The following ARVCF variants were observed in gnomAD, a reference collection of about 807,000 sequenced individuals.
The protein encoded by ARVCF is ARVCF delta catenin family member.
In ARVCF, 66 loss-of-function variants were observed where a neutral mutation model predicts 90.9. That is an observed-to-expected ratio of 0.73 (90% confidence interval 0.60 to 0.89). The LOEUF is 0.89. Among genes scored for constraint, ARVCF ranks in the 40% least tolerant of loss-of-function variants. The probability of loss-of-function intolerance (pLI) is 0.00; values close to 1 mark genes in which losing one functional copy is unlikely to be tolerated. For missense variants in ARVCF, 1,469 were observed against 1,382.3 expected (o/e 1.06, Z -1.00); for synonymous variants, 653 against 603.4 (o/e 1.08, Z -1.21).
chr22:19,974,099 C>G lies in ARVCF; in HGVS notation c.2088+13G>C. 1 of 1,601,726 alleles carries G rather than the reference C, an allele frequency of 6.2e-7. No homozygotes were observed. The highest frequency in any genetic ancestry group is 8.5e-7 in the Non-Finnish European group (1 of 1,173,584). ...CTCAGGACTTGCCCACCCTGCCCGA[C>G]CTGGTCCCTCACCATCCAGTTGCCG... On this transcript the variant is annotated intron_variant, in intron 12 of 19. Transcript: ENST00000263207.
intron 3 of ARVCF, among the ~76,000 whole-genome samples, chr22:19,987,515 GA>G (rs1943861642): frequency 6.6e-6 from 1 of 151,942 alleles, no homozygotes; most frequent in African/African-American, 2.4e-5. Flanking sequence ...CTCGGTTTAT[GA>G]CCACACTTCA....
At chr22:19,968,882 C>T (rs889790482), downstream of ARVCF, 3 of 702,900 alleles carry the variant, frequency 4.3e-6, no homozygotes, top group Admixed American at 6.5e-5. Flanking sequence ...GACATGCTAA[C>T]CTCTCTGAAC....
Position 19,980,199 on chromosome 22 carries a change from C to G in ARVCF, c.940G>C (p.Glu314Gln), listed in dbSNP as rs1435518574. The G allele has an allele frequency of 1.9e-6, 3 of 1,550,094 alleles. No homozygotes were observed. The highest frequency in any genetic ancestry group is 2.6e-6 in the Non-Finnish European group (3 of 1,149,422). ...TADDGGELADERPAFPMVTAP... is the reference protein window; with the variant it reads ...TADDGGELADQRPAFPMVTAP... ...GTCACCATTGGGAACGCAGGCCGCT[C>G]GTCCGCCAGCTCGCCGCCATCATCT... The change falls in exon 6 of 20, where the codon GAG (glutamate) becomes CAG (glutamine). Residue 314 changes from glutamate to glutamine, a missense_variant. By Grantham distance (29) the Glu-to-Gln change is conservative. Transcript: ENST00000263207.
intron 2 of ARVCF, among the ~76,000 whole-genome samples, chr22:20,003,478 A>G (rs920798586): frequency 3.3e-5 from 5 of 152,214 alleles, no homozygotes; most frequent in African/African-American, 4.8e-5. Context: ...AAACAAACAA[A>G]AAAACACTAG....
downstream of ARVCF, chr22:19,969,026 A>G (rs1380612313): frequency 6.5e-6 from 2 of 305,786 alleles, no homozygotes; most frequent in Non-Finnish European, 6.3e-6. Context: ...ATATTTAGAT[A>G]TAACTCGACT....
At chr22:19,973,452 CCT>C (rs1601574561) in intron 13 of ARVCF, 135 bp from the exon 14 acceptor site, 7 of 1,335,190 alleles carry the variant, frequency 5.2e-6, no homozygotes, top group Non-Finnish European at 7.0e-6. Flanking sequence ...CACAGGAGCC[CCT>C]GTGAGCAGGG....
intron 19 of ARVCF, 99 bp downstream of exon 19, chr22:19,971,117 G>A (rs952602418): frequency 1.6e-5 from 24 of 1,536,768 alleles, no homozygotes; most frequent in African/African-American, 8.3e-5. Flanking sequence ...TGCGGGGAAC[G>A]TGCGGGAAGA....
At chr22:20,012,339 C>T (rs1052061644) in intron 1 of ARVCF, among the ~76,000 whole-genome samples, 1 of 152,230 alleles carries the variant, frequency 6.6e-6, no homozygotes, top group Non-Finnish European at 1.5e-5. Context: ...CCTAAGGGTG[C>T]ACTAGGCACA....
intron 18 of ARVCF, 129 bp from the exon 19 acceptor site, chr22:19,971,464 C>T (rs766862715): frequency 1.5e-5 from 18 of 1,190,722 alleles, no homozygotes; most frequent in Non-Finnish European, 2.1e-5. Flanking sequence ...ACAGGTAGCA[C>T]CAAGGGCGCA....
intron 2 of ARVCF, among the ~76,000 whole-genome samples, chr22:19,995,337 G>A (rs1944205383): frequency 6.6e-6 from 1 of 151,812 alleles, no homozygotes; most frequent in Non-Finnish European, 1.5e-5. Context: ...AGGCTGGGTG[G>A]ATGGAGGAGT....
rs576630602 is a variant in ARVCF at position 20,007,707 on chromosome 22, C to T, written c.-19+2748G>A. On this transcript the variant is annotated intron_variant, in intron 2 of 19. Transcript: ENST00000263207. ...GGTTCCGCCTCCTTCAGCGCTCTCTCACGTGTGCTCCTGCCCTTCTGCCAC... is the reference window on the plus strand; with the variant it reads ...GGTTCCGCCTCCTTCAGCGCTCTCTTACGTGTGCTCCTGCCCTTCTGCCAC... 4.9e-4 allele frequency among the ~76,000 whole-genome samples: 75 copies of T among 152,350 alleles called. 1 individual carries two copies. Among genetic ancestry groups the T allele is most frequent in the Admixed American group, 7.8e-4 (12 of 15,304 alleles).
intron 17 of ARVCF, 145 bp downstream of exon 17, chr22:19,972,213 C>T: frequency 8.8e-7 from 1 of 1,131,100 alleles, no homozygotes; most frequent in Non-Finnish European, 1.3e-6. Context: ...TCTCTAGCTG[C>T]CCTGTACCTC....
chr22:19,994,316 G>A (rs1601644229), intron 2 of ARVCF, among the ~76,000 whole-genome samples: 2 of 150,792 alleles, frequency 1.3e-5, no homozygotes, highest in South Asian at 4.3e-4. Flanking sequence ...ATGAATGGAT[G>A]GGTGGGTGGA....
In ARVCF at chr22:19,971,975, T is replaced by C. The variant is rs1051646967; in HGVS notation, c.2696-4A>G. 4 of 1,607,694 alleles carry C rather than the reference T, an allele frequency of 2.5e-6. No homozygotes were observed. Among genetic ancestry groups the C allele is most frequent in the Non-Finnish European group, 3.4e-6 (4 of 1,177,178 alleles). On this transcript the variant is annotated splice_region_variant and splice_polypyrimidine_tract_variant and intron_variant, in intron 17 of 19. Coordinates refer to ENST00000263207, the MANE Select transcript of ARVCF (RefSeq NM_001670.3). ...CGGTCCACCGTGGAGTATCCGTCTGTAGATGGGGTAAGGTGGGGCATGAGG... is the reference window on the plus strand; with the variant it reads ...CGGTCCACCGTGGAGTATCCGTCTGCAGATGGGGTAAGGTGGGGCATGAGG...
intron 1 of ARVCF, among the ~76,000 whole-genome samples, chr22:20,011,886 C>T (rs954653347): frequency 1.3e-5 from 2 of 151,914 alleles, no homozygotes; most frequent in Non-Finnish European, 2.9e-5. Context: ...TGATAAGCAC[C>T]AGCCTCTCCC....
Position 19,980,225 on chromosome 22 carries a change from G to T in ARVCF, c.914C>A (p.Ala305Glu), listed in dbSNP as rs1422084347. The T allele has an allele frequency of 2.0e-6, 3 of 1,537,054 alleles. No individual in the cohort carries two copies. The highest frequency in any genetic ancestry group is 2.6e-6 in the Non-Finnish European group (3 of 1,142,544). Residue 305 changes from alanine (A) to glutamate (E), a missense_variant, in exon 6 of 20, where the codon GCA (alanine) becomes GAA (glutamate). By Grantham distance (107) the Ala-to-Glu change is moderately radical. Coordinates refer to ENST00000263207, the MANE Select transcript of ARVCF (RefSeq NM_001670.3). ...GTCCGCCAGCTCGCCGCCATCATCT[G>T]CTGTGTCCTCGTAGGCCCTGCACAG... Reference protein sequence around the residue: ...GLHTRAYEDTADDGGELADER... With the variant: ...GLHTRAYEDTEDDGGELADER...
chr22:20,013,636 C>T (rs139570132), intron 1 of ARVCF, among the ~76,000 whole-genome samples: 2,110 of 152,282 alleles, frequency 0.014, 55 homozygotes, highest in African/African-American at 0.048. Context: ...CTGCCAGAGG[C>T]GGCAGCCCCT....
intron 6 of ARVCF, 58 bp downstream of exon 6, chr22:19,979,685 G>C (rs1239780235): frequency 7.2e-6 from 11 of 1,519,102 alleles, no homozygotes; most frequent in Non-Finnish European, 9.8e-6. Context: ...TTCCTCCCGG[G>C]TTGAGCCTCA....
At chr22:19,988,861 C>T (rs746051913) in intron 3 of ARVCF, among the ~76,000 whole-genome samples, 1 of 88,774 alleles carries the variant, frequency 1.1e-5, no homozygotes, top group Non-Finnish European at 2.2e-5. Flanking sequence ...GGTAGGGGGT[C>T]GGGGGGAGAG....
Sources: gnomAD v4.1 joint callset for allele counts (sites outside exome capture counted in the v4.1 genomes callset) on GRCh38, gnomAD v4.1.1 for gene constraint, MANE v1.5 for transcripts, NCBI Gene and HGNC (gene_info 2026-07-23, HGNC 2026-07-21) for gene names.